SDK2: variants seen among roughly 807,000 people sequenced by gnomAD.
The protein encoded by SDK2 is sidekick cell adhesion molecule 2.
A neutral mutation model predicts 253.9 loss-of-function variants in SDK2; 105 were observed. The ratio of observed to expected loss-of-function variants is 0.41; its 90% CI spans 0.35 to 0.49. SDK2 has a LOEUF of 0.49. SDK2 is among the 20% of genes least tolerant of loss of function. SDK2 has a pLI of 0.06. For missense variants in SDK2, 2,608 were observed against 3,003.0 expected (o/e 0.87, Z 3.07); for synonymous variants, 1,249 against 1,234.9 (o/e 1.01, Z -0.24).
chr17:73,390,297 G>A lies in SDK2; in HGVS notation c.4182C>T (p.Thr1394=), dbSNP rs548698767. 3.2e-6 allele frequency: 5 copies of A among 1,583,492 alleles called. No individual in the cohort carries two copies. The East Asian group carries it at 9.0e-5, about 29-fold the overall frequency. Residue 1394 remains threonine (T), a synonymous_variant, in exon 29 of 45, where the codon ACC becomes ACT. Coordinates refer to ENST00000392650, the MANE Select transcript of SDK2 (RefSeq NM_001144952.2). Reference sequence around the variant, plus strand: ...CCCGTGGGCAGTCACCTCTCTTCTCGGTGGTCACCACCAAGGCCTCGGCAG... The same window carrying A: ...CCCGTGGGCAGTCACCTCTCTTCTCAGTGGTCACCACCAAGGCCTCGGCAG... ...GEAAEALVVT[T]EKRDRPQPPS... is the part of the protein sequence containing the mutation.
In SDK2 at chr17:73,398,149, G is replaced by A; in HGVS notation, c.3240C>T (p.Ser1080=). 1.2e-6 allele frequency: 2 copies of A among 1,613,632 alleles called. No individual in the cohort carries two copies. The highest frequency in any genetic ancestry group is 8.5e-7 in the Non-Finnish European group (1 of 1,179,792). The stretch of plus-strand genomic sequence containing the variant: ...TCTTTCTAGAAGGCTGACTGGGGGG[G>A]CTGGTGCCCACGATGTTCACCTGGC... The part of the protein sequence containing the change: ...RMRQVNIVGT[S]PPSQPSRKIQ... The change falls in exon 24 of 45, where the codon AGC becomes AGT. Residue 1080 remains serine, a synonymous_variant. Transcript: ENST00000392650.
chr17:73,526,153 G>A (rs2064123675), intron 1 of SDK2, among the ~76,000 whole-genome samples: 2 of 152,220 alleles, frequency 1.3e-5, no homozygotes, highest in African/African-American at 2.4e-5. Flanking sequence ...ACACTCACAG[G>A]CAGACGGTGT....
chr17:73,641,470 A>G (rs528186428), intron 1 of SDK2, among the ~76,000 whole-genome samples: 2 of 152,130 alleles, frequency 1.3e-5, no homozygotes, highest in African/African-American at 2.4e-5. Flanking sequence ...CTACAACCTC[A>G]CTGCACTTTG....
chr17:73,492,862 G>A (rs2063816160), intron 2 of SDK2, among the ~76,000 whole-genome samples: 1 of 152,154 alleles, frequency 6.6e-6, no homozygotes, highest in Non-Finnish European at 1.5e-5. Context: ...CCCCCAGGAA[G>A]CAGGGGTCAT....
chr17:73,428,226 C>G (rs1453047699), intron 12 of SDK2, among the ~76,000 whole-genome samples: 1 of 152,042 alleles, frequency 6.6e-6, no homozygotes, highest in East Asian at 1.9e-4. Flanking sequence ...GGAGGCTGAG[C>G]TAATTTTTTT....
chr17:73,465,828 C>A lies in SDK2; in HGVS notation c.331+6284G>T, dbSNP rs1281320466. ...TAGGAGAACTGGCTGCTTAGGGCCC[C>A]AGGACAAGCCCTTGTCACCCCAGGA... On this transcript the variant is annotated intron_variant, in intron 3 of 44. Transcript: ENST00000392650. The surrounding 1 kb of genome is among the most constrained non-coding windows in gnomAD (Gnocchi z 4.2). Among the ~76,000 whole-genome samples, 1 of 152,122 alleles carries A rather than the reference C, an allele frequency of 6.6e-6. No homozygotes were observed. The highest frequency in any genetic ancestry group is 1.5e-5 in the Non-Finnish European group (1 of 68,026).
chr17:73,412,686 C>G (rs1431880108), intron 18 of SDK2, among the ~76,000 whole-genome samples: 1 of 152,106 alleles, frequency 6.6e-6, no homozygotes, highest in Non-Finnish European at 1.5e-5. Flanking sequence ...GAGGCCGAGG[C>G]AGTCGAATTA....
chr17:73,411,130 G>A (rs1217320631), intron 18 of SDK2, among the ~76,000 whole-genome samples: 1 of 152,102 alleles, frequency 6.6e-6, no homozygotes, highest in Non-Finnish European at 1.5e-5. Flanking sequence ...GAATTCAGCT[G>A]CTGCTCCCTG....
At position 73,361,762 on chromosome 17, in the gene SDK2, A is replaced by G; in HGVS notation, c.5389T>C (p.Tyr1797His). ...GTCTTGGCTCTGATGCGGAACCTGT[A>G]GGTCACCCCCTCCGCCAGGTCCTTC... ...KVKDLAEGVT[Y>H]RFRIRAKTFT... The change falls in exon 39 of 45, where the codon TAC (tyrosine) becomes CAC (histidine). Residue 1797 changes from tyrosine to histidine, a missense_variant. By Grantham distance (83) the Tyr-to-His change is moderately conservative. Around this residue, in one of 2 missense-constraint regions of SDK2, gnomAD observed 1,103 missense variants for 1,143.9 expected, o/e 0.96. Transcript: ENST00000392650. The surrounding 1 kb of genome is among the most constrained non-coding windows in gnomAD (Gnocchi z 4.1). 1 of 1,613,470 alleles carries G rather than the reference A, an allele frequency of 6.2e-7. No individual in the cohort carries two copies. The highest frequency in any genetic ancestry group is 8.5e-7 in the Non-Finnish European group (1 of 1,179,620).
intron 8 of SDK2, among the ~76,000 whole-genome samples, chr17:73,437,441 A>C (rs1338618917): frequency 6.6e-6 from 1 of 152,034 alleles, no homozygotes; most frequent in Non-Finnish European, 1.5e-5. Flanking sequence ...GTAATTTGTC[A>C]TTGTCTACAG....
intron 2 of SDK2, among the ~76,000 whole-genome samples, chr17:73,479,642 T>C (rs763338035): frequency 2.6e-4 from 40 of 152,258 alleles, no homozygotes; most frequent in Non-Finnish European, 5.6e-4. Context: ...AAGGACTTTA[T>C]ATTTTTTAAT....
chr17:73,359,611 C>T (rs1216492540), intron 39 of SDK2, among the ~76,000 whole-genome samples: 2 of 152,208 alleles, frequency 1.3e-5, no homozygotes, highest in Non-Finnish European at 2.9e-5. Flanking sequence ...CGCCTGCAGA[C>T]CGCCCCCTGC....
At chr17:73,619,590 C>A (rs1265660676) in intron 1 of SDK2, among the ~76,000 whole-genome samples, 2 of 152,036 alleles carry the variant, frequency 1.3e-5, no homozygotes, top group African/African-American at 4.8e-5. Flanking sequence ...AAAAGGAACT[C>A]AAAATGGATC....
In SDK2 at chr17:73,437,770, C is replaced by T; in HGVS notation, c.969G>A (p.Glu323=). 1 of 1,614,036 alleles carries T rather than the reference C, an allele frequency of 6.2e-7. No homozygotes were observed. The highest frequency in any genetic ancestry group is 8.5e-7 in the Non-Finnish European group (1 of 1,179,890). ...EPERHITAEM[E]KVVDIPCQAK... ...CCTGACAGGGGATGTCCACCACCTT[C>T]TCCATCTCCGCAGTGATGTGTCTTT... The change falls in exon 8 of 45, where the codon GAG becomes GAA. Residue 323 remains glutamate, a synonymous_variant. Coordinates refer to ENST00000392650, the MANE Select transcript of SDK2 (RefSeq NM_001144952.2).
intron 4 of SDK2, among the ~76,000 whole-genome samples, chr17:73,449,500 C>A (rs185414277): frequency 8.0e-4 from 121 of 152,040 alleles, no homozygotes; most frequent in South Asian, 1.5e-3. Context: ...GGTTTTGGTG[C>A]TTCACATGCT....
intron 3 of SDK2, among the ~76,000 whole-genome samples, chr17:73,464,958 C>T (rs1042040379): frequency 2.0e-5 from 3 of 152,110 alleles, no homozygotes; most frequent in African/African-American, 7.2e-5. Flanking sequence ...TTTTGTCTCT[C>T]GTTGTGTCCC....
intron 28 of SDK2, 79 bp downstream of exon 28, chr17:73,391,361 G>T: frequency 4.0e-6 from 3 of 753,238 alleles, no homozygotes; most frequent in Non-Finnish European, 5.6e-6. Context: ...CCCTCAAGCT[G>T]GTAACGAAGT....
chr17:73,463,682 T>C (rs575845959), intron 3 of SDK2, among the ~76,000 whole-genome samples: 2 of 152,340 alleles, frequency 1.3e-5, no homozygotes, highest in African/African-American at 4.8e-5. Context: ...GATTATCCTG[T>C]ATATAGTCTT....
chr17:73,612,861 G>A lies in SDK2; in HGVS notation c.64+31164C>T, dbSNP rs1196602665. ...GAACCCAGGAGGCAGAAGTTGCAGT[G>A]AGCCAAGATCGCGCCATTGCACTCC... On this transcript the variant is annotated intron_variant, in intron 1 of 44. Coordinates refer to ENST00000392650, the MANE Select transcript of SDK2 (RefSeq NM_001144952.2). The surrounding 1 kb of genome is among the most constrained non-coding windows in gnomAD (Gnocchi z 4.4). Among the ~76,000 whole-genome samples the A allele has an allele frequency of 6.6e-6, 1 of 152,142 alleles. No individual in the cohort carries two copies.
Sources: allele counts gnomAD v4.1 joint callset (sites outside exome capture counted in the v4.1 genomes callset), GRCh38; gene constraint gnomAD v4.1.1; regional missense constraint gnomAD v4.1.1; non-coding constraint Gnocchi (gnomAD v3.1); transcripts MANE v1.5; gene names NCBI Gene and HGNC (gene_info 2026-07-23, HGNC 2026-07-21).